The following BRME1 variants were observed in gnomAD, a reference collection of about 807,000 sequenced individuals.
BRME1 encodes the protein break repair meiotic recombinase recruitment factor 1, also known as BRCA2 and MEILB2-associating protein 1.
Under a neutral mutation model 52.6 loss-of-function variants are expected in BRME1, and 31 were observed. That is an observed-to-expected ratio of 0.59 (90% CI 0.44 to 0.80). The LOEUF (loss-of-function observed/expected upper bound fraction) is 0.80. Among genes scored for constraint, BRME1 ranks in the 30% least tolerant of loss-of-function variants. BRME1 has a pLI of 0.00. For synonymous variants in BRME1, 359 were observed against 353.6 expected, an observed-to-expected ratio of 1.02 and a Z score of -0.17; for missense variants, 804 against 860.3, an observed-to-expected ratio of 0.93 and a Z score of 0.82.
chr19:13,895,407 C>A lies in BRME1; in HGVS notation c.171G>T (p.Gln57His). 1 of 1,613,980 alleles carries A rather than the reference C, an allele frequency of 6.2e-7. No homozygotes were observed. Among genetic ancestry groups the A allele is most frequent in the Admixed American group, 1.7e-5 (1 of 59,990 alleles). Residue 57 changes from glutamine (Q) to histidine (H), a missense_variant, in exon 3 of 9, where the codon CAG (glutamine) becomes CAT (histidine). By Grantham distance (24) the Gln-to-His change is conservative (BLOSUM62 0). Transcript: ENST00000586783. ...CCTTTCCTGGTTCCTCCCCGTGCTG[C>A]TGTGTAGAGGGAACAGGTCCCAATT... Reference protein sequence around the residue: ...EGKLGPVPSTQQHGEEPGKAV... With the variant: ...EGKLGPVPSTHQHGEEPGKAV...
chr19:13,894,142 A>C (rs1969714443), intron 3 of BRME1, among the ~76,000 whole-genome samples: 1 of 152,214 alleles, frequency 6.6e-6, no homozygotes, highest in Admixed American at 6.5e-5. Flanking sequence ...CGGACACTCC[A>C]GCCCTGACAC....
chr19:13,901,406 A>G (rs1025439942), intron 2 of BRME1, among the ~76,000 whole-genome samples: 2 of 152,112 alleles, frequency 1.3e-5, no homozygotes, highest in African/African-American at 2.4e-5. Context: ...CGATTTTCCA[A>G]TAAAAACATT....
At chr19:13,904,437 C>T (rs985025013) in intron 2 of BRME1, among the ~76,000 whole-genome samples, 8 of 151,296 alleles carry the variant, frequency 5.3e-5, no homozygotes, top group African/African-American at 1.9e-4. Context: ...GAATTAAATC[C>T]TTTTTGTCTT....
Position 13,892,782 on chromosome 19 carries a change from T to C in BRME1, c.393+4A>G. ...GCTCAGCCTGGCTGATTTTAGAGCC[T>C]TACCAGGCTAAAGGCCCCACTCCCA... On this transcript the variant is annotated splice_donor_region_variant and intron_variant, in intron 5 of 8. Coordinates refer to ENST00000586783, the MANE Select transcript of BRME1 (RefSeq NM_001345843.2). 6.2e-7 allele frequency: 1 copy of C among 1,611,758 alleles called. No homozygotes were observed.
chr19:13,904,982 C>T lies in BRME1; in HGVS notation c.-21-69G>A, dbSNP rs536699285. On this transcript the variant is annotated intron_variant, in intron 1 of 8. Transcript: ENST00000586783. The stretch of plus-strand genomic sequence containing the variant: ...CTCTGTTTATATCCAGTGGCTTTGG[C>T]TGAGAGCAGAGGTTACCCCTACCTC... 4.0e-5 allele frequency: 54 copies of T among 1,362,482 alleles called. No individual in the cohort carries two copies. The East Asian group carries it at 1.2e-3, about 31-fold the overall frequency. The allele number at this position is 1,362,482 out of a possible 1,614,324, so 84.4% of individuals were successfully genotyped here.
At chr19:13,901,259 G>A (rs778046134) in intron 2 of BRME1, among the ~76,000 whole-genome samples, 3 of 151,840 alleles carry the variant, frequency 2.0e-5, no homozygotes, top group Non-Finnish European at 4.4e-5. Flanking sequence ...GTACAGGTGC[G>A]TACCACCAAG....
In BRME1 at chr19:13,882,429, A is replaced by T. The variant is rs1968700145; in HGVS notation, c.*373T>A. The T allele has an allele frequency of 1.5e-5, 6 of 410,542 alleles. No individual in the cohort carries two copies. In the South Asian group the frequency reaches 5.6e-4, roughly 39 times the overall value. 25.4% of individuals were successfully genotyped at this position (410,542 alleles called of 1,614,324 possible). ...AAATGGGGAGAAAGAAAACAAAGGG[A>T]GCTCTCTTCTCCTCCAGGAAAGAAA... On this transcript the variant is annotated 3_prime_UTR_variant, in exon 9 of 9. Transcript: ENST00000586783.
intron 2 of BRME1, among the ~76,000 whole-genome samples, chr19:13,901,397 G>A (rs562651139): frequency 6.6e-6 from 1 of 152,164 alleles, no homozygotes; most frequent in East Asian, 1.9e-4. Flanking sequence ...GTGATGATTC[G>A]ATTTTCCAAT....
rs761297797 is a variant in BRME1, at chr19:13,895,463, A to T, written c.115T>A (p.Cys39Ser). The change falls in exon 3 of 9, where the codon TGT (cysteine) becomes AGT (serine). Residue 39 changes from cysteine (C) to serine (S), a missense_variant. Cys to Ser is a moderately radical substitution (Grantham distance 112). Coordinates refer to ENST00000586783, the MANE Select transcript of BRME1 (RefSeq NM_001345843.2). ...YGDPQSSMLGCLHHPEEPEGK... is the reference protein window; with the variant it reads ...YGDPQSSMLGSLHHPEEPEGK... ...TCTGGCTCCTCAGGGTGATGTAAACAGCCCAACATGGAACTCTGGGGGTCC... is the reference window on the plus strand; with the variant it reads ...TCTGGCTCCTCAGGGTGATGTAAACTGCCCAACATGGAACTCTGGGGGTCC... 2.5e-6 allele frequency: 4 copies of T among 1,613,996 alleles called. No individual in the cohort carries two copies. Among genetic ancestry groups the T allele is most frequent in the Non-Finnish European group, 3.4e-6 (4 of 1,180,000 alleles).
chr19:13,903,737 T>C (rs1366420433), intron 2 of BRME1, among the ~76,000 whole-genome samples: 1 of 151,284 alleles, frequency 6.6e-6, no homozygotes, highest in Non-Finnish European at 1.5e-5. Flanking sequence ...AATCCCTTCC[T>C]CTCACCTAGT....
At chr19:13,904,954 T>A in intron 1 of BRME1, 41 bp from the exon 2 acceptor site, 1 of 1,511,546 alleles carries the variant, frequency 6.6e-7, no homozygotes, top group Non-Finnish European at 9.2e-7. Context: ...AAGCAGTCTC[T>A]GTCTCTGTTT....
intron 2 of BRME1, 53 bp from the exon 3 acceptor site, chr19:13,895,599 T>C (rs1023781581): frequency 7.1e-5 from 108 of 1,514,300 alleles, no homozygotes; most frequent in Middle Eastern, 1.8e-4. Flanking sequence ...CCACTGCTCA[T>C]GGCTGACAAC....
intron 2 of BRME1, 107 bp from the exon 3 acceptor site, chr19:13,895,653 C>T (rs1057005802): frequency 1.7e-5 from 16 of 962,130 alleles, no homozygotes; most frequent in South Asian, 9.6e-5. Context: ...GAGAAGGGGC[C>T]GAATCCATTT....
chr19:13,905,550 C>G (rs529990024), intron 1 of BRME1, among the ~76,000 whole-genome samples, 165 bp downstream of exon 1: 1 of 151,774 alleles, frequency 6.6e-6, no homozygotes, highest in Non-Finnish European at 1.5e-5. Flanking sequence ...GGCACACACC[C>G]GTAATCCCAG....
intron 3 of BRME1, 43 bp from the exon 4 acceptor site, chr19:13,893,266 C>T (rs1459439503): frequency 5.9e-6 from 9 of 1,513,860 alleles, no homozygotes; most frequent in Admixed American, 4.1e-5. Flanking sequence ...TGCCCGGGTG[C>T]GGTGGCTCAC....
chr19:13,893,007 G>C, intron 4 of BRME1, 117 bp from the exon 5 acceptor site: 1 of 1,355,366 alleles, frequency 7.4e-7, no homozygotes, highest in Admixed American at 2.0e-5. Context: ...CTCCACCCTT[G>C]CCCTCTGGGC....
At chr19:13,891,442 C>A (rs1231500863) in intron 5 of BRME1, among the ~76,000 whole-genome samples, 1 of 151,418 alleles carries the variant, frequency 6.6e-6, no homozygotes, top group Non-Finnish European at 1.5e-5. Flanking sequence ...AGCCACTGCG[C>A]CCAGCGGCTA....
At chr19:13,886,177 C>G in intron 6 of BRME1, 122 bp from the exon 7 acceptor site, 1 of 710,380 alleles carries the variant, frequency 1.4e-6, no homozygotes, top group Non-Finnish European at 2.4e-6. Flanking sequence ...CACATCGGGG[C>G]TGGCTGGGAC....
At chr19:13,904,087 C>T (rs1055047810) in intron 2 of BRME1, among the ~76,000 whole-genome samples, 3 of 151,944 alleles carry the variant, frequency 2.0e-5, no homozygotes, top group African/African-American at 4.8e-5. Context: ...ATGCCCTCTC[C>T]GTTATTTCTA....
Sources: gnomAD v4.1 joint callset for allele counts (sites outside exome capture counted in the v4.1 genomes callset) on GRCh38, gnomAD v4.1.1 for gene constraint, MANE v1.5 for transcripts, NCBI Gene and HGNC (gene_info 2026-07-23, HGNC 2026-07-21) for gene names.